The following PLPPR1 variants were observed in gnomAD, a reference collection of about 807,000 sequenced individuals.
PLPPR1 encodes phospholipid phosphatase-related protein type 1.
A neutral mutation model predicts 33.1 loss-of-function variants in PLPPR1; 10 were observed. The observed-to-expected ratio is 0.30, with a 90% CI of 0.19 to 0.51. The LOEUF (loss-of-function observed/expected upper bound fraction) is 0.51. Ranked by LOEUF, PLPPR1 falls within the 20% of genes least tolerant of loss-of-function variation. The probability of loss-of-function intolerance (pLI) is 0.97; values close to 1 mark genes in which losing one functional copy is unlikely to be tolerated. For synonymous variants in PLPPR1, 151 were observed against 151.0 expected, an observed-to-expected ratio of 1.00 and a Z score of 0.00; for missense variants, 304 against 408.1, an observed-to-expected ratio of 0.74 and a Z score of 2.20.
intron 1 of PLPPR1, among the ~76,000 whole-genome samples, chr9:101,123,884 G>A (rs1363046780): frequency 3.3e-5 from 5 of 152,092 alleles, no homozygotes; most frequent in African/African-American, 1.2e-4. Flanking sequence ...TTAGCACAGA[G>A]CTTGGTGTTC....
intron 1 of PLPPR1, among the ~76,000 whole-genome samples, chr9:101,117,909 T>C (rs1831135051): frequency 6.6e-6 from 1 of 152,180 alleles, no homozygotes; most frequent in East Asian, 1.9e-4. Context: ...ACTCCCTCTT[T>C]TCAAATTAAG....
At chr9:101,152,714 T>C (rs1439730466) in intron 1 of PLPPR1, among the ~76,000 whole-genome samples, 5 of 151,972 alleles carry the variant, frequency 3.3e-5, no homozygotes. Context: ...GTGGTAGATG[T>C]GTGGTATTAT....
chr9:101,253,244 A>G (rs1827742879), intron 2 of PLPPR1, among the ~76,000 whole-genome samples: 1 of 151,872 alleles, frequency 6.6e-6, no homozygotes, highest in South Asian at 2.1e-4. Flanking sequence ...TTAATTTGAT[A>G]AAAGACGAAG....
intron 1 of PLPPR1, among the ~76,000 whole-genome samples, chr9:101,150,853 C>T (rs889718065): frequency 2.6e-5 from 4 of 151,808 alleles, no homozygotes; most frequent in Non-Finnish European, 5.9e-5. Flanking sequence ...TTGCCTCTAA[C>T]AAAATGACAT....
chr9:101,313,303 T>G (rs1384829333), intron 6 of PLPPR1, among the ~76,000 whole-genome samples: 1 of 152,122 alleles, frequency 6.6e-6, no homozygotes, highest in Non-Finnish European at 1.5e-5. Context: ...CAATCTTCTC[T>G]AAGTATTTGT....
chr9:101,185,208 G>A, intron 1 of PLPPR1: 1 of 349,620 alleles, frequency 2.9e-6, no homozygotes, highest in Non-Finnish European at 5.1e-6. Context: ...CTAGCTATGT[G>A]CACAAGCGGC....
intron 1 of PLPPR1, among the ~76,000 whole-genome samples, chr9:101,174,227 A>C (rs753042290): frequency 1.3e-5 from 2 of 152,158 alleles, no homozygotes; most frequent in Admixed American, 6.5e-5. Flanking sequence ...TCTTGGGCTT[A>C]CTTCGAAGGG....
intron 1 of PLPPR1, among the ~76,000 whole-genome samples, chr9:101,147,896 G>A (rs1193157406): frequency 6.6e-6 from 1 of 152,158 alleles, no homozygotes; most frequent in East Asian, 1.9e-4. Context: ...TGACCTCAAA[G>A]CCCATTCTTA....
At chr9:101,206,950 T>C (rs1248230454) in intron 2 of PLPPR1, among the ~76,000 whole-genome samples, 3 of 152,076 alleles carry the variant, frequency 2.0e-5, no homozygotes, top group Non-Finnish European at 4.4e-5. Flanking sequence ...CCCCTGGCAC[T>C]GAAATCCTTC....
At chr9:101,042,991 CTT>C (rs1208700994) in intron 1 of PLPPR1, among the ~76,000 whole-genome samples, 1 of 152,018 alleles carries the variant, frequency 6.6e-6, no homozygotes, top group Non-Finnish European at 1.5e-5. Flanking sequence ...TTAGTGATGA[CTT>C]TGGTTTGCCC....
At chr9:101,292,543 A>T (rs1260861135) in intron 4 of PLPPR1, among the ~76,000 whole-genome samples, 1 of 144,068 alleles carries the variant, frequency 6.9e-6, no homozygotes, top group Non-Finnish European at 1.5e-5. Flanking sequence ...GCCAGAGAGA[A>T]TGGTCGGGTA....
intron 1 of PLPPR1, among the ~76,000 whole-genome samples, chr9:101,167,724 C>T (rs1825881436): frequency 6.6e-6 from 1 of 152,104 alleles, no homozygotes; most frequent in African/African-American, 2.4e-5. Flanking sequence ...TTCAGAGAAT[C>T]CCAGATTCAA....
chr9:101,125,871 A>C (rs1831240972), intron 1 of PLPPR1: 1 of 470,200 alleles, frequency 2.1e-6, no homozygotes, highest in Non-Finnish European at 4.0e-6. Flanking sequence ...GAACATTCCC[A>C]TCATAAAGGC....
chr9:101,165,852 C>G (rs1207400718), intron 1 of PLPPR1, among the ~76,000 whole-genome samples: 1 of 152,144 alleles, frequency 6.6e-6, no homozygotes, highest in Non-Finnish European at 1.5e-5. Context: ...TAAATCTTAT[C>G]TATTTGCTAT....
chr9:101,149,086 T>A (rs1386395786), intron 1 of PLPPR1, among the ~76,000 whole-genome samples: 3 of 152,214 alleles, frequency 2.0e-5, no homozygotes, highest in Non-Finnish European at 2.9e-5. Context: ...TGTTATGTAT[T>A]CTTGCAGAAA....
chr9:101,115,957 T>C, intron 1 of PLPPR1, among the ~76,000 whole-genome samples: 1 of 151,956 alleles, frequency 6.6e-6, no homozygotes, highest in Admixed American at 6.6e-5. Context: ...TAACAGCAGA[T>C]TTTGGACTCT....
intron 1 of PLPPR1, among the ~76,000 whole-genome samples, chr9:101,161,276 A>C (rs1831769411): frequency 6.6e-6 from 1 of 152,204 alleles, no homozygotes; most frequent in Admixed American, 6.6e-5. Flanking sequence ...CTAGGAAACC[A>C]AAGATGACGA....
chr9:101,032,498 C>G lies in PLPPR1; in HGVS notation c.-46+3396C>G, dbSNP rs1389806340. On this transcript the variant is annotated intron_variant, in intron 1 of 7. Coordinates refer to ENST00000374874, the MANE Select transcript of PLPPR1 (RefSeq NM_207299.2). ...CTGTGTGCTCCTATATCACCCTCTT[C>G]TTTCCTGGCATTCACTTGTGTAGCT... is the stretch of plus-strand genomic sequence containing the variant. 3.3e-5 allele frequency among the ~76,000 whole-genome samples: 5 copies of G among 152,198 alleles called. No homozygotes were observed. The East Asian group carries it at 7.7e-4, about 23-fold the overall frequency.
Position 101,324,125 on chromosome 9 carries a change from T to C in PLPPR1, c.*68T>C. 1 of 1,305,610 alleles carries C rather than the reference T, an allele frequency of 7.7e-7. No individual in the cohort carries two copies. Among genetic ancestry groups the C allele is most frequent in the Non-Finnish European group, 1.1e-6 (1 of 907,110 alleles). 80.9% of individuals were successfully genotyped at this position (1,305,610 alleles called of 1,614,324 possible). A position where few individuals can be genotyped will look rare whatever the true frequency, so the allele number is the denominator to read the frequency against. ...AATTCTATACTTCAAAACACACAGT[T>C]GCTCAATGTCAAACTGTGATGACAA... On this transcript the variant is annotated 3_prime_UTR_variant, in exon 8 of 8. Coordinates refer to ENST00000374874, the MANE Select transcript of PLPPR1 (RefSeq NM_207299.2).
Sources: allele counts gnomAD v4.1 joint callset (sites outside exome capture counted in the v4.1 genomes callset), GRCh38; gene constraint gnomAD v4.1.1; transcripts MANE v1.5; gene names NCBI Gene and HGNC (gene_info 2026-07-23, HGNC 2026-07-21).